The following INO80D variants were observed in gnomAD, a reference collection of about 807,000 sequenced individuals.
INO80D encodes INO80 complex subunit D.
Under a neutral mutation model 87.6 loss-of-function variants are expected in INO80D, and 21 were observed. The ratio of observed to expected loss-of-function variants is 0.24; its 90% CI spans 0.17 to 0.35. INO80D has a LOEUF of 0.35. Ranked by LOEUF, INO80D falls within the 10% of genes least tolerant of loss-of-function variation. INO80D has a pLI of 1.00. For synonymous variants in INO80D, 440 were observed against 491.0 expected (o/e 0.90, Z 1.37); for missense variants, 982 against 1,280.7 (o/e 0.77, Z 3.56).
At chr2:206,022,860 C>G (rs1385910892) in intron 6 of INO80D, among the ~76,000 whole-genome samples, 2 of 152,122 alleles carry the variant, frequency 1.3e-5, no homozygotes, top group African/African-American at 4.8e-5. Context: ...ACTACAGGCG[C>G]ATGCCACCAC....
chr2:206,075,460 A>G (rs1334787361), intron 1 of INO80D, among the ~76,000 whole-genome samples: 77 of 150,864 alleles, frequency 5.1e-4, no homozygotes, highest in African/African-American at 1.8e-3. Context: ...TTTTAAAGAC[A>G]GAATCTCATT....
intron 1 of INO80D, among the ~76,000 whole-genome samples, chr2:206,077,306 C>G (rs1328245004): frequency 6.6e-6 from 1 of 151,180 alleles, no homozygotes; most frequent in Non-Finnish European, 1.5e-5. Context: ...CGCCACTGCA[C>G]TCCAGCCTGG....
rs2105783321 is a variant in INO80D, at chr2:205,997,739, CATG to C, written c.*6626_*6628del. 6.6e-6 allele frequency: 1 copy of C among 152,204 alleles called. No individual in the cohort carries two copies. The highest frequency in any genetic ancestry group is 1.5e-5 in the Non-Finnish European group (1 of 67,974). The allele number at this position is 152,204 out of a possible 1,614,324, so 9.4% of individuals were successfully genotyped here. ...AATCCAAAGGTTAACATAAAATGCACATGATATCAGAGCTAGCCTTTTAACATA... is the reference window on the plus strand; with the variant it reads ...AATCCAAAGGTTAACATAAAATGCACATATCAGAGCTAGCCTTTTAACATA... On this transcript the variant is annotated 3_prime_UTR_variant, in exon 11 of 11. Transcript: ENST00000403263.
intron 5 of INO80D, among the ~76,000 whole-genome samples, chr2:206,035,566 C>T (rs1189507272): frequency 2.0e-5 from 3 of 152,100 alleles, no homozygotes; most frequent in Non-Finnish European, 2.9e-5. Context: ...ATCCTCTCAC[C>T]TTATACAAAA....
rs866548320 is a variant in INO80D, at chr2:206,004,772, G to A, written c.2680C>T (p.Pro894Ser). 1 of 1,614,012 alleles carries A rather than the reference G, an allele frequency of 6.2e-7. No individual in the cohort carries two copies. Among genetic ancestry groups the A allele is most frequent in the East Asian group, 2.2e-5 (1 of 44,878 alleles). The part of the protein sequence containing the change: ...VNPRTHWGNL[P>S]VNLGDPSPFS... ...GGAGAGGGGTCTCCAAGGTTGACAG[G>A]GAGATTGCCCCAGTGAGTTCTGGGG... The change falls in exon 11 of 11, where the codon CCT becomes TCT. Residue 894 changes from proline to serine, a missense_variant. Coordinates refer to ENST00000403263, the MANE Select transcript of INO80D (RefSeq NM_017759.5). This position sits in a 1 kb window ranked among gnomAD's most constrained non-coding sequence, Gnocchi z 4.9.
chr2:206,048,343 C>T (rs1488438392), intron 4 of INO80D, among the ~76,000 whole-genome samples: 1 of 152,134 alleles, frequency 6.6e-6, no homozygotes, highest in Non-Finnish European at 1.5e-5. Context: ...AAGTGATCCT[C>T]CCACCTCAGC....
At chr2:206,041,117 GAA>G (rs1689037186) in intron 5 of INO80D, among the ~76,000 whole-genome samples, 1 of 152,086 alleles carries the variant, frequency 6.6e-6, no homozygotes, top group Non-Finnish European at 1.5e-5. Flanking sequence ...AATAAGCTAT[GAA>G]AAGAGATAAA....
intron 1 of INO80D, among the ~76,000 whole-genome samples, chr2:206,068,875 A>AT (rs1219241746): frequency 1.3e-5 from 2 of 151,772 alleles, no homozygotes; most frequent in Non-Finnish European, 2.9e-5. Context: ...AATTTTCTGT[A>AT]TTTTTTGTAG....
chr2:206,042,092 A>G (rs1330955920), intron 5 of INO80D, among the ~76,000 whole-genome samples: 2 of 152,118 alleles, frequency 1.3e-5, no homozygotes, highest in African/African-American at 2.4e-5. Flanking sequence ...TAATCATGCC[A>G]CTGCACTCCA....
intron 6 of INO80D, among the ~76,000 whole-genome samples, chr2:206,027,127 G>A (rs1688634872): frequency 6.7e-6 from 1 of 149,896 alleles, no homozygotes; most frequent in African/African-American, 2.4e-5. Flanking sequence ...ATGGCTCACT[G>A]GAAAATTTAC....
rs761630303 is a variant in INO80D, at chr2:206,046,506, A to C, written c.1071T>G (p.His357Gln). ...TAAAAACAGAACAGAAGACTTACGC[A>C]TGTCTTTGATATCTGAGGGTTTCCC... ...SIRETLRYQR[H>Q]ASDDDDAESR... Residue 357 changes from histidine (H) to glutamine (Q), a missense_variant and splice_region_variant, in exon 5 of 11, where the codon CAT becomes CAG. Transcript: ENST00000403263. The C allele has an allele frequency of 1.9e-6, 3 of 1,589,920 alleles. No homozygotes were observed. The highest frequency in any genetic ancestry group is 2.6e-6 in the Non-Finnish European group (3 of 1,158,342).
At chr2:206,039,370 C>T (rs1452779184) in intron 5 of INO80D, among the ~76,000 whole-genome samples, 1 of 151,836 alleles carries the variant, frequency 6.6e-6, no homozygotes, top group Non-Finnish European at 1.5e-5. Context: ...GTACTCCGGC[C>T]TGGGCAACAA....
chr2:206,023,038 A>G (rs1688508459), intron 6 of INO80D, among the ~76,000 whole-genome samples: 1 of 152,078 alleles, frequency 6.6e-6, no homozygotes. Flanking sequence ...GTCTCTACAA[A>G]AAATACAAAA....
At position 206,004,802 on chromosome 2, in the gene INO80D, C is replaced by T. The variant is rs1460458596; in HGVS notation, c.2650G>A (p.Val884Ile). 2 of 1,613,992 alleles carry T rather than the reference C, an allele frequency of 1.2e-6. No individual in the cohort carries two copies. The highest frequency in any genetic ancestry group is 1.7e-6 in the Non-Finnish European group (2 of 1,179,892). Residue 884 changes from valine to isoleucine, a missense_variant, in exon 11 of 11, where the codon GTA (valine) becomes ATA (isoleucine). Coordinates refer to ENST00000403263, the MANE Select transcript of INO80D (RefSeq NM_017759.5). This position sits in a 1 kb window ranked among gnomAD's most constrained non-coding sequence, Gnocchi z 4.9. ...TQLEVPLGGV[V>I]NPRTHWGNLP... ...TTGCCCCAGTGAGTTCTGGGGTTTA[C>T]CACGCCTCCAAGTGGCACCTCAAGT...
At chr2:206,075,263 T>G (rs1690081033) in intron 1 of INO80D, among the ~76,000 whole-genome samples, 1 of 152,190 alleles carries the variant, frequency 6.6e-6, no homozygotes, top group Non-Finnish European at 1.5e-5. Context: ...CATTATTCTC[T>G]TTGGGACTAC....
At position 206,056,185 on chromosome 2, in the gene INO80D, A is replaced by G. The variant is rs183261611; in HGVS notation, c.964+13T>C. On this transcript the variant is annotated intron_variant, in intron 4 of 10. Transcript: ENST00000403263. Reference sequence around the variant, plus strand: ...TATTATGTGTCTATGATACGATAAAATAGATAACTCACCTAAATGGGGAAA... The same window carrying G: ...TATTATGTGTCTATGATACGATAAAGTAGATAACTCACCTAAATGGGGAAA... 158 of 1,553,576 alleles carry G rather than the reference A, an allele frequency of 1.0e-4. 1 individual carries two copies. The East Asian group carries it at 1.4e-3, about 14-fold the overall frequency.
rs1399913735 is a variant in INO80D, at chr2:206,009,187, G to A, written c.1760+390C>T. 2.6e-5 allele frequency among the ~76,000 whole-genome samples: 4 copies of A among 152,282 alleles called. No homozygotes were observed. In the East Asian group the frequency reaches 7.7e-4, roughly 29 times the overall value. On this transcript the variant is annotated intron_variant, in intron 9 of 10. Transcript: ENST00000403263. ...CAGCTGGGCGTGATGGCACATGCCT[G>A]TAATCCCAGACTAGGGTGGCTGAGG...
rs1243221132 is a variant in INO80D, at chr2:206,004,430, C to T, written c.3022G>A (p.Val1008Ile). 6 of 1,604,438 alleles carry T rather than the reference C, an allele frequency of 3.7e-6. No homozygotes were observed. Among genetic ancestry groups the T allele is most frequent in the Non-Finnish European group, 5.1e-6 (6 of 1,175,560 alleles). ...SSIAPPTGFT[V>I]TGATATSTNN... ...GTACTTGTAGCTGTGGCACCTGTTA[C>T]TGTGAAGCCTGTAGGAGGGGCTATA... Residue 1008 changes from valine (V) to isoleucine (I), a missense_variant, in exon 11 of 11, where the codon GTA becomes ATA. By Grantham distance (29) the Val-to-Ile change is conservative (BLOSUM62 3). Transcript: ENST00000403263. This position sits in a 1 kb window ranked among gnomAD's most constrained non-coding sequence, Gnocchi z 4.9.
At chr2:206,007,149 G>A in intron 10 of INO80D, 135 bp downstream of exon 10, 1 of 723,968 alleles carries the variant, frequency 1.4e-6, no homozygotes, top group East Asian at 2.8e-5. Flanking sequence ...AGCTGCAGTG[G>A]CATTATATTT....
Sources: gnomAD v4.1 joint callset for allele counts (sites outside exome capture counted in the v4.1 genomes callset) on GRCh38, gnomAD v4.1.1 for gene constraint, Gnocchi (gnomAD v3.1) non-coding constraint, MANE v1.5 for transcripts, NCBI Gene and HGNC (gene_info 2026-07-23, HGNC 2026-07-21) for gene names.